Variants in PCDHGA9 observed in about 807,000 individuals in gnomAD.
The protein encoded by PCDHGA9 is protocadherin gamma subfamily A, 9.
PCDHGA9 carries 37 observed loss-of-function variants against 62.5 expected under a neutral mutation model. The ratio of observed to expected loss-of-function variants is 0.59; its 90% CI spans 0.46 to 0.78. The LOEUF (loss-of-function observed/expected upper bound fraction) is 0.78. PCDHGA9 is among the 30% of genes least tolerant of loss of function. The pLI, the probability that PCDHGA9 is intolerant of heterozygous loss-of-function variation, is 0.00. For missense variants in PCDHGA9, 1,138 were observed against 1,166.2 expected, an observed-to-expected ratio of 0.98 and a Z score of 0.35; for synonymous variants, 459 against 484.6, an observed-to-expected ratio of 0.95 and a Z score of 0.69.
chr5:141,480,152 C>G (rs2099513323), intron 1 of PCDHGA9, among the ~76,000 whole-genome samples: 1 of 151,928 alleles, frequency 6.6e-6, no homozygotes, highest in African/African-American at 2.4e-5. Context: ...TAGCCAGCTC[C>G]TAGCATTTTG....
chr5:141,422,260 G>A, intron 1 of PCDHGA9: 1 of 1,564,392 alleles, frequency 6.4e-7, no homozygotes, highest in South Asian at 1.2e-5. Context: ...GAATGATAAC[G>A]CTCCAGAAAT....
chr5:141,478,927 C>T (rs2154577116), intron 1 of PCDHGA9: 2 of 690,162 alleles, frequency 2.9e-6, no homozygotes, highest in East Asian at 6.0e-5. Flanking sequence ...TAACCAGTGG[C>T]AGCTTCTAGG....
intron 1 of PCDHGA9, among the ~76,000 whole-genome samples, chr5:141,469,803 A>G (rs1326367314): frequency 6.6e-6 from 1 of 152,174 alleles, no homozygotes; most frequent in Non-Finnish European, 1.5e-5. Context: ...TTGCAAAAAC[A>G]TTGTAGATAG....
rs771162532 is a variant in PCDHGA9, at chr5:141,491,756, C to A, written c.2425-3051C>A. On this transcript the variant is annotated intron_variant, in intron 1 of 3. Transcript: ENST00000573521. The surrounding 1 kb of genome is among the most constrained non-coding windows in gnomAD (Gnocchi z 6.9). ...CCTGGGGGCGGCACTGGAGAAGCCGCCCGTCCTCATAAGGGATTGAACTTG... is the reference window on the plus strand; with the variant it reads ...CCTGGGGGCGGCACTGGAGAAGCCGACCGTCCTCATAAGGGATTGAACTTG... The A allele has an allele frequency of 6.3e-7, 1 of 1,581,720 alleles. No individual in the cohort carries two copies. Among genetic ancestry groups the A allele is most frequent in the Middle Eastern group, 1.7e-4 (1 of 5,958 alleles).
intron 1 of PCDHGA9, chr5:141,419,582 T>A (rs1474193256): frequency 6.2e-7 from 1 of 1,611,894 alleles, no homozygotes. Context: ...CTCCGCGCTC[T>A]TCGACACAGT....
At chr5:141,422,394 C>T (rs898242724) in intron 1 of PCDHGA9, 1 of 1,595,520 alleles carries the variant, frequency 6.3e-7, no homozygotes, top group Non-Finnish European at 8.5e-7. Context: ...TTATTCCTAA[C>T]CACCTGCCTT....
At chr5:141,509,268 G>A (rs2099875959) in intron 3 of PCDHGA9, among the ~76,000 whole-genome samples, 1 of 152,150 alleles carries the variant, frequency 6.6e-6, no homozygotes, top group South Asian at 2.1e-4. Flanking sequence ...AGTCACTCTC[G>A]CTACCCGCTC....
At chr5:141,417,637 A>ATCCCTCAGCCTCTAGCCTGGGAT (rs2096141530) in intron 1 of PCDHGA9, 1 of 724,654 alleles carries the variant, frequency 1.4e-6, no homozygotes, top group Admixed American at 3.5e-5. Flanking sequence ...GACGCCGGGG[A>ATCCCTCAGCCTCTAGCCTGGGAT]TCCCTCAGCC....
chr5:141,476,556 C>G lies in PCDHGA9; in HGVS notation c.2425-18251C>G. On this transcript the variant is annotated intron_variant, in intron 1 of 3. Transcript: ENST00000573521. This position sits in a 1 kb window ranked among gnomAD's most constrained non-coding sequence, Gnocchi z 7.6. ...GAAATGAAATTGGAGATTAGCGAGG[C>G]CGTGGCTCCGGGGACGCGCTTTCCG... The G allele has an allele frequency of 6.2e-7, 1 of 1,614,234 alleles. No homozygotes were observed. The highest frequency in any genetic ancestry group is 8.5e-7 in the Non-Finnish European group (1 of 1,180,036).
intron 1 of PCDHGA9, chr5:141,419,208 C>T: frequency 6.2e-7 from 1 of 1,613,966 alleles, no homozygotes; most frequent in Non-Finnish European, 8.5e-7. Flanking sequence ...GACAACGCGC[C>T]GGTTTTCGGA....
intron 1 of PCDHGA9, among the ~76,000 whole-genome samples, chr5:141,480,730 G>T (rs1261461187): frequency 6.6e-6 from 1 of 152,168 alleles, no homozygotes; most frequent in Non-Finnish European, 1.5e-5. Flanking sequence ...GTCTCTGGGG[G>T]TGGGACATAG....
Position 141,491,925 on chromosome 5 carries a change from G to C in PCDHGA9, c.2425-2882G>C. On this transcript the variant is annotated intron_variant, in intron 1 of 3. Coordinates refer to ENST00000573521, the MANE Select transcript of PCDHGA9 (RefSeq NM_018921.3). This position sits in a 1 kb window ranked among gnomAD's most constrained non-coding sequence, Gnocchi z 6.9. ...GGGTGGTGGCGACTGTGGGCGAGGG[G>C]AGGTGGGACCGACCCCCACCCCTAC... 1 of 1,325,176 alleles carries C rather than the reference G, an allele frequency of 7.5e-7. No individual in the cohort carries two copies. Among genetic ancestry groups the C allele is most frequent in the Non-Finnish European group, 1.0e-6 (1 of 987,300 alleles). The allele number at this position is 1,325,176 out of a possible 1,614,324, so 82.1% of individuals were successfully genotyped here.
intron 1 of PCDHGA9, chr5:141,428,308 G>A (rs2097132099): frequency 1.5e-6 from 1 of 685,734 alleles, no homozygotes; most frequent in Non-Finnish European, 2.6e-6. Context: ...TTACCTGGTC[G>A]TGGCCTTGGC....
At chr5:141,434,117 G>T (rs2097672674) in intron 1 of PCDHGA9, among the ~76,000 whole-genome samples, 1 of 152,126 alleles carries the variant, frequency 6.6e-6, no homozygotes, top group African/African-American at 2.4e-5. Context: ...TGGCCTTTGG[G>T]ACTCCCTTTA....
Position 141,511,151 on chromosome 5 carries a change from C to T in PCDHGA9, c.2777C>T (p.Ser926Leu), listed in dbSNP as rs202071188. The T allele has an allele frequency of 3.0e-5, 49 of 1,614,152 alleles. No individual in the cohort carries two copies. The highest frequency in any genetic ancestry group is 2.6e-4 in the South Asian group (24 of 91,066). The change falls in exon 4 of 4, where the codon TCG becomes TTG. Residue 926 changes from serine (S) to leucine (L), a missense_variant. Ser to Leu is a moderately radical substitution (Grantham distance 145, BLOSUM62 -2). Coordinates refer to ENST00000573521, the MANE Select transcript of PCDHGA9 (RefSeq NM_018921.3). ...GGTGGCAATGGCAACAAGAAGAAGT[C>T]GGGCAAGAAGGAGAAGAAGTAACAT... ...PAGGNGNKKK[S>L]GKKEKK
Position 141,489,730 on chromosome 5 carries a change from A to G in PCDHGA9, c.2425-5077A>G. The stretch of plus-strand genomic sequence containing the variant: ...CAGTGCCCAGGATCCGGATGTGGGC[A>G]CCAATACTGTGAGCTTTTACACTCT... On this transcript the variant is annotated intron_variant, in intron 1 of 3. Coordinates refer to ENST00000573521, the MANE Select transcript of PCDHGA9 (RefSeq NM_018921.3). This position sits in a 1 kb window ranked among gnomAD's most constrained non-coding sequence, Gnocchi z 4.5. 6.2e-7 allele frequency: 1 copy of G among 1,614,182 alleles called. No homozygotes were observed. Among genetic ancestry groups the G allele is most frequent in the Non-Finnish European group, 8.5e-7 (1 of 1,180,020 alleles).
intron 1 of PCDHGA9, chr5:141,492,046 AC>A (rs955983612): frequency 2.0e-6 from 1 of 494,316 alleles, no homozygotes; most frequent in African/African-American, 2.0e-5. Context: ...TCACAGATCC[AC>A]CCCTGCAGCC....
At chr5:141,471,801 CAT>C (rs1165290367) in intron 1 of PCDHGA9, among the ~76,000 whole-genome samples, 1 of 152,114 alleles carries the variant, frequency 6.6e-6, no homozygotes, top group African/African-American at 2.4e-5. Context: ...ATATAAAAGA[CAT>C]ATAAAAGACT....
chr5:141,441,442 C>G (rs938839707), intron 1 of PCDHGA9: 1 of 160,500 alleles, frequency 6.2e-6, no homozygotes, highest in African/African-American at 2.4e-5. Context: ...CTCGTCCAGC[C>G]CAAGCATCAC....
Sources: allele counts gnomAD v4.1 joint callset (sites outside exome capture counted in the v4.1 genomes callset), GRCh38; gene constraint gnomAD v4.1.1; non-coding constraint Gnocchi (gnomAD v3.1); transcripts MANE v1.5; gene names NCBI Gene and HGNC (gene_info 2026-07-23, HGNC 2026-07-21).